Variants in MED13L observed in about 807,000 individuals in gnomAD.
MED13L encodes mediator complex subunit 13L, also known as mediator of RNA polymerase II transcription subunit 13-like.
In MED13L, 7 loss-of-function variants were observed where a neutral mutation model predicts 220.9. That is an observed-to-expected ratio of 0.03 (90% confidence interval 0.02 to 0.06). The LOEUF is 0.06. Among genes scored for constraint, MED13L ranks in the 10% least tolerant of loss-of-function variants. The pLI, the probability that MED13L is intolerant of heterozygous loss-of-function variation, is 1.00. For missense variants in MED13L, 1,965 were observed against 2,760.5 expected, an observed-to-expected ratio of 0.71 and a Z score of 6.46; for synonymous variants, 1,011 against 1,015.2, an observed-to-expected ratio of 1.00 and a Z score of 0.08.
chr12:116,164,417 T>C (rs913403961), intron 2 of MED13L, among the ~76,000 whole-genome samples: 2 of 152,156 alleles, frequency 1.3e-5, no homozygotes, highest in South Asian at 2.1e-4. Context: ...AGGAACATAA[T>C]AACAAAATAC....
chr12:115,967,340 T>C (rs943322868), intron 28 of MED13L, among the ~76,000 whole-genome samples: 1 of 152,148 alleles, frequency 6.6e-6, no homozygotes, highest in African/African-American at 2.4e-5. Context: ...TATCAAAGAA[T>C]GTTTAATGGT....
At chr12:116,191,793 C>G (rs938524407) in intron 2 of MED13L, among the ~76,000 whole-genome samples, 1 of 151,896 alleles carries the variant, frequency 6.6e-6, no homozygotes, top group African/African-American at 2.4e-5. Flanking sequence ...CCAGCCTGGG[C>G]AACACAGTGG....
rs774559384 is a variant in MED13L, at chr12:115,972,135, T to G, written c.5833A>C (p.Ile1945Leu). The change falls in exon 26 of 31, where the codon ATC becomes CTC. Residue 1945 changes from isoleucine to leucine, a missense_variant. Transcript: ENST00000281928. ...CGISAADSPSILSACLVAMEP... is the reference protein window; with the variant it reads ...CGISAADSPSLLSACLVAMEP... ...ATGGCAACCAGGCAGGCACTAAGGATAGAAGGAGAGTCTGCGGCAGAGATT... is the reference window on the plus strand; with the variant it reads ...ATGGCAACCAGGCAGGCACTAAGGAGAGAAGGAGAGTCTGCGGCAGAGATT... The G allele has an allele frequency of 6.2e-7, 1 of 1,614,010 alleles. No homozygotes were observed. Among genetic ancestry groups the G allele is most frequent in the Admixed American group, 1.7e-5 (1 of 60,012 alleles).
chr12:115,984,595 TA>T (rs56750618), intron 19 of MED13L, among the ~76,000 whole-genome samples: 28 of 146,750 alleles, frequency 1.9e-4, no homozygotes, highest in Admixed American at 2.0e-4. Flanking sequence ...CTAGGCTCTC[TA>T]AAAAAAAAAA....
intron 2 of MED13L, among the ~76,000 whole-genome samples, chr12:116,198,952 C>A (rs1881829287): frequency 6.6e-6 from 1 of 152,158 alleles, no homozygotes; most frequent in Non-Finnish European, 1.5e-5. Flanking sequence ...TCTCCTGCTG[C>A]CTCTCTTTAA....
At chr12:116,047,958 T>C (rs1479930033) in intron 4 of MED13L, among the ~76,000 whole-genome samples, 1 of 152,164 alleles carries the variant, frequency 6.6e-6, no homozygotes, top group Non-Finnish European at 1.5e-5. Context: ...AATGTGTTTT[T>C]ATTCAGGCTA....
chr12:116,079,396 T>C (rs933742633), intron 4 of MED13L, among the ~76,000 whole-genome samples: 1 of 152,024 alleles, frequency 6.6e-6, no homozygotes, highest in Admixed American at 6.5e-5. Flanking sequence ...CTTTAACCTT[T>C]TGCAGAGATG....
intron 1 of MED13L, among the ~76,000 whole-genome samples, chr12:116,269,812 A>G (rs192067205): frequency 1.3e-5 from 2 of 152,358 alleles, no homozygotes; most frequent in Admixed American, 6.5e-5. Flanking sequence ...ACCACAATTC[A>G]TCTAGAATGA....
chr12:116,190,685 A>G (rs997468874), intron 2 of MED13L, among the ~76,000 whole-genome samples: 1 of 152,230 alleles, frequency 6.6e-6, no homozygotes, highest in African/African-American at 2.4e-5. Context: ...TTTTAATTAC[A>G]GTATAAATTG....
chr12:116,061,943 G>T (rs970581814), intron 4 of MED13L, among the ~76,000 whole-genome samples: 2 of 145,766 alleles, frequency 1.4e-5, no homozygotes, highest in Admixed American at 1.4e-4. Context: ...GGGAGGCAGA[G>T]CTTGCAGTGA....
chr12:116,024,345 AC>A (rs1391168971), intron 4 of MED13L, among the ~76,000 whole-genome samples: 1 of 152,204 alleles, frequency 6.6e-6, no homozygotes, highest in African/African-American at 2.4e-5. Flanking sequence ...ACAAATAATA[AC>A]AAAATGCCAT....
intron 2 of MED13L, among the ~76,000 whole-genome samples, chr12:116,215,937 T>C (rs1330098073): frequency 3.3e-5 from 5 of 152,200 alleles, no homozygotes; most frequent in Non-Finnish European, 7.3e-5. Context: ...AGAGATCCAC[T>C]AATGGTCTAC....
chr12:116,134,287 G>A (rs951048367), intron 2 of MED13L, among the ~76,000 whole-genome samples: 4 of 152,150 alleles, frequency 2.6e-5, no homozygotes, highest in African/African-American at 7.2e-5. Context: ...AGTATACTGA[G>A]AGACGAACTA....
At chr12:116,277,010 ACC>A (rs377558672) in intron 1 of MED13L, 48 bp downstream of exon 1, 8 of 1,015,470 alleles carry the variant, frequency 7.9e-6, no homozygotes, top group African/African-American at 3.5e-5. Context: ...GAGGTCGGGG[ACC>A]CCCCCCCTTC....
At chr12:116,193,842 C>G (rs763645045) in intron 2 of MED13L, among the ~76,000 whole-genome samples, 1 of 152,090 alleles carries the variant, frequency 6.6e-6, no homozygotes, top group South Asian at 2.1e-4. Context: ...ACAAGTAAAC[C>G]GATCACTGTA....
At chr12:116,269,723 G>C (rs1303079424) in intron 1 of MED13L, among the ~76,000 whole-genome samples, 1 of 152,108 alleles carries the variant, frequency 6.6e-6, no homozygotes, top group East Asian at 1.9e-4. Context: ...CTGAAAAATA[G>C]TACAAAATGT....
intron 4 of MED13L, among the ~76,000 whole-genome samples, chr12:116,068,378 TATG>T (rs1566041128): frequency 6.6e-6 from 1 of 152,226 alleles, no homozygotes; most frequent in African/African-American, 2.4e-5. Context: ...TTATTGATAA[TATG>T]ATCTGTAGAG....
chr12:116,132,243 G>A (rs1031017512), intron 2 of MED13L, among the ~76,000 whole-genome samples: 30 of 141,372 alleles, frequency 2.1e-4, no homozygotes, highest in Admixed American at 1.8e-3. Context: ...TCGTGGCATT[G>A]CACTCCAGCC....
At chr12:116,136,882 A>C (rs918868905) in intron 2 of MED13L, among the ~76,000 whole-genome samples, 1 of 152,230 alleles carries the variant, frequency 6.6e-6, no homozygotes, top group African/African-American at 2.4e-5. Context: ...TTTCATGAAC[A>C]TTTGATTTTC....
Sources: allele counts gnomAD v4.1 joint callset (sites outside exome capture counted in the v4.1 genomes callset), GRCh38; gene constraint gnomAD v4.1.1; transcripts MANE v1.5; gene names NCBI Gene and HGNC (gene_info 2026-07-23, HGNC 2026-07-21).